Variants in RYR2 observed in about 807,000 individuals in gnomAD.
RYR2 encodes ryanodine receptor 2.
A neutral mutation model predicts 601.1 loss-of-function variants in RYR2; 227 were observed. The observed-to-expected ratio is 0.38, with a 90% CI of 0.34 to 0.42. The LOEUF (loss-of-function observed/expected upper bound fraction) is 0.42. Among genes scored for constraint, RYR2 ranks in the 10% least tolerant of loss-of-function variants. The pLI is 1.00. For missense variants in RYR2, 4,646 were observed against 6,156.5 expected (o/e 0.75, Z 8.21); for synonymous variants, 2,223 against 2,175.1 (o/e 1.02, Z -0.61).
chr1:237,469,162 A>G lies in RYR2; in HGVS notation c.1683A>G (p.Arg561=), dbSNP rs1660407505. Reference sequence around the variant, plus strand: ...GCTCCCTCGACTGGTTGATCAGCAGATTGGAAAGACTGGAAGCTTCTTCAG... The same window carrying G: ...GCTCCCTCGACTGGTTGATCAGCAGGTTGGAAAGACTGGAAGCTTCTTCAG... ...FSGSLDWLIS[R]LERLEASSGI... Residue 561 remains arginine (R), a synonymous_variant, in exon 17 of 105, where the codon AGA becomes AGG. Transcript: ENST00000366574. 2.5e-6 allele frequency: 4 copies of G among 1,586,546 alleles called. No homozygotes were observed. Among genetic ancestry groups the G allele is most frequent in the Non-Finnish European group, 2.6e-6 (3 of 1,164,520 alleles).
intron 56 of RYR2, 105 bp downstream of exon 56, chr1:237,661,052 A>G (rs549597943): frequency 3.6e-6 from 4 of 1,117,906 alleles, no homozygotes; most frequent in African/African-American, 3.2e-5. Flanking sequence ...AAAATTCTGA[A>G]GAGTCACAAA....
intron 8 of RYR2, among the ~76,000 whole-genome samples, chr1:237,385,421 A>G (rs1043544914): frequency 6.6e-6 from 1 of 152,160 alleles, no homozygotes; most frequent in East Asian, 1.9e-4. Flanking sequence ...ATCACATGTG[A>G]TATGTTTATA....
At chr1:237,431,844 C>A (rs1706837955) in intron 12 of RYR2, among the ~76,000 whole-genome samples, 1 of 152,120 alleles carries the variant, frequency 6.6e-6, no homozygotes, top group Admixed American at 6.6e-5. Context: ...CCAAAGTACT[C>A]TTCAGAACTT....
chr1:237,554,557 A>G (rs1116469), intron 27 of RYR2, among the ~76,000 whole-genome samples: 4,800 of 151,970 alleles, frequency 0.032, 127 homozygotes, highest in Middle Eastern at 0.054. Context: ...TTAATTCTAC[A>G]TTGTTTCTTT....
At chr1:237,827,186 A>T (rs894601892) in intron 101 of RYR2, among the ~76,000 whole-genome samples, 62 of 152,214 alleles carry the variant, frequency 4.1e-4, no homozygotes, top group African/African-American at 1.5e-3. Flanking sequence ...TGTAAAAATA[A>T]CGTGTTTTCT....
chr1:237,194,350 C>A (rs1257954992), intron 1 of RYR2, among the ~76,000 whole-genome samples: 1 of 152,078 alleles, frequency 6.6e-6, no homozygotes, highest in East Asian at 1.9e-4. Context: ...TATTTATAAC[C>A]CCTTTGTTGG....
intron 3 of RYR2, among the ~76,000 whole-genome samples, chr1:237,344,194 G>A (rs185439169): frequency 2.6e-5 from 4 of 152,316 alleles, no homozygotes; most frequent in Admixed American, 2.6e-4. Context: ...GCAGCTGGGT[G>A]AATCCAGCTA....
At chr1:237,516,674 C>T (rs1369849057) in intron 24 of RYR2, among the ~76,000 whole-genome samples, 1 of 152,192 alleles carries the variant, frequency 6.6e-6, no homozygotes, top group East Asian at 1.9e-4. Flanking sequence ...AGCTTTATGT[C>T]CCCTGTATTT....
intron 6 of RYR2, among the ~76,000 whole-genome samples, chr1:237,374,177 A>G (rs1202563019): frequency 6.6e-6 from 1 of 152,236 alleles, no homozygotes; most frequent in African/African-American, 2.4e-5. Context: ...CAGTAGGGAT[A>G]GATGGATGCC....
chr1:237,575,603 CCAATGTAA>C (rs1459662028), intron 29 of RYR2, among the ~76,000 whole-genome samples: 11 of 151,690 alleles, frequency 7.3e-5, no homozygotes, highest in Admixed American at 5.3e-4. Context: ...TCATTACTAG[CCAATGTAA>C]CAATAAGAAG....
At chr1:237,669,061 A>G (rs1205992038) in intron 58 of RYR2, among the ~76,000 whole-genome samples, 2 of 150,222 alleles carry the variant, frequency 1.3e-5, no homozygotes, top group Non-Finnish European at 3.0e-5. Context: ...ACTTGAGATT[A>G]GGGAGTGGTG....
intron 1 of RYR2, among the ~76,000 whole-genome samples, chr1:237,164,726 C>T (rs1344101017): frequency 6.6e-6 from 1 of 152,154 alleles, no homozygotes; most frequent in Non-Finnish European, 1.5e-5. Context: ...TTTTGATAGA[C>T]ATAGGGTTTC....
At chr1:237,594,886 G>GTTTTTTTTGTTTTT (rs1675642723) in intron 33 of RYR2, among the ~76,000 whole-genome samples, 91 of 60,418 alleles carry the variant, frequency 1.5e-3, no homozygotes, top group Non-Finnish European at 1.8e-3. Context: ...ATATCACTGG[G>GTTTTTTTTGTTTTT]TTTTTTTTTT....
chr1:237,272,966 A>T (rs1325950062), intron 2 of RYR2, among the ~76,000 whole-genome samples: 1 of 152,220 alleles, frequency 6.6e-6, no homozygotes, highest in Non-Finnish European at 1.5e-5. Context: ...AAACCTTTGA[A>T]AATCCAAAGG....
chr1:237,538,287 C>A lies in RYR2; in HGVS notation c.2906+7777C>A, dbSNP rs549025345. ...GTGAACACCTGTAATCCCAGCCACT[C>A]GGGAGGCTGAGGCAGGAGAATTGCT... On this transcript the variant is annotated intron_variant, in intron 25 of 104. Coordinates refer to ENST00000366574, the MANE Select transcript of RYR2 (RefSeq NM_001035.3). Among the ~76,000 whole-genome samples, 15 of 147,738 alleles carry A rather than the reference C, an allele frequency of 1.0e-4. No homozygotes were observed. The South Asian group carries it at 3.2e-3, about 32-fold the overall frequency.
In RYR2 at chr1:237,726,298, A is replaced by G; in HGVS notation, c.10715A>G (p.His3572Arg). 6.3e-7 allele frequency: 1 copy of G among 1,590,038 alleles called. No homozygotes were observed. Among genetic ancestry groups the G allele is most frequent in the African/African-American group, 1.3e-5 (1 of 74,590 alleles). Residue 3572 changes from histidine (H) to arginine (R), a missense_variant, in exon 75 of 105, where the codon CAT becomes CGT. Physicochemically the swap from His to Arg is conservative, Grantham distance 29. This residue lies in a region of RYR2 where 1,497 missense variants were observed against 1,842.6 expected (regional missense o/e 0.81). Coordinates refer to ENST00000366574, the MANE Select transcript of RYR2 (RefSeq NM_001035.3). ...EQKSKRVGRRHYCLVEHPQRS... is the reference protein window; with the variant it reads ...EQKSKRVGRRRYCLVEHPQRS... The stretch of plus-strand genomic sequence containing the variant: ...AAGTCTAAACGTGTGGGTCGGAGAC[A>G]TTACTGTCTGGGAAGTACAGTGCTC...
At chr1:237,066,476 C>T (rs1305151385) in intron 1 of RYR2, among the ~76,000 whole-genome samples, 1 of 152,118 alleles carries the variant, frequency 6.6e-6, no homozygotes, top group Admixed American at 6.6e-5. Flanking sequence ...TTTGGGAGAT[C>T]CAGTTTCTCC....
At chr1:237,533,003 C>T (rs954218570) in intron 25 of RYR2, among the ~76,000 whole-genome samples, 1 of 151,968 alleles carries the variant, frequency 6.6e-6, no homozygotes, top group Non-Finnish European at 1.5e-5. Context: ...AGATGATAGA[C>T]AGATAGATGG....
chr1:237,655,822 A>T lies in RYR2; in HGVS notation c.7967A>T (p.Lys2656Ile). The change falls in exon 53 of 105, where the codon AAA (lysine) becomes ATA (isoleucine). Residue 2656 changes from lysine to isoleucine, a missense_variant and splice_region_variant. Coordinates refer to ENST00000366574, the MANE Select transcript of RYR2 (RefSeq NM_001035.3). ...TTTTTGGTCCTCCATTTTTCCCAGA[A>T]ATATGAACAAGAACTTTTCAAACTG... is the stretch of plus-strand genomic sequence containing the variant. ...WGIFDALSQK[K>I]YEQELFKLAL... 1.9e-6 allele frequency: 3 copies of T among 1,582,858 alleles called. No homozygotes were observed. The highest frequency in any genetic ancestry group is 2.6e-6 in the Non-Finnish European group (3 of 1,167,040).
Sources: gnomAD v4.1 joint callset for allele counts (sites outside exome capture counted in the v4.1 genomes callset) on GRCh38, gnomAD v4.1.1 for gene constraint, gnomAD v4.1.1 regional missense constraint, MANE v1.5 for transcripts, NCBI Gene and HGNC (gene_info 2026-07-23, HGNC 2026-07-21) for gene names.